Variants in CTNNA3 observed in about 807,000 individuals in gnomAD.
CTNNA3 encodes catenin alpha-3.
A neutral mutation model predicts 95.7 loss-of-function variants in CTNNA3; 76 were observed. That is an observed-to-expected ratio of 0.79 (90% CI 0.66 to 0.96). The LOEUF (loss-of-function observed/expected upper bound fraction) is 0.96. CTNNA3 is among the 40% of genes least tolerant of loss of function. The pLI, the probability that CTNNA3 is intolerant of heterozygous loss-of-function variation, is 0.00. For synonymous variants in CTNNA3, 431 were observed against 374.4 expected, an observed-to-expected ratio of 1.15 and a Z score of -1.74; for missense variants, 1,191 against 1,089.8, an observed-to-expected ratio of 1.09 and a Z score of -1.31.
Position 66,220,791 on chromosome 10 carries a change from C to G in CTNNA3, c.1884+59679G>C, listed in dbSNP as rs527623441. ...CACCATCAAGCCGTCCCTCTGAAGT[C>G]AAGCTGCTTCTCACCAACATCAAGC... On this transcript the variant is annotated intron_variant, in intron 13 of 17. Transcript: ENST00000433211. Among the ~76,000 whole-genome samples, 9 of 152,276 alleles carry G rather than the reference C, an allele frequency of 5.9e-5. No homozygotes were observed. In the South Asian group the frequency reaches 1.9e-3, roughly 32 times the overall value.
chr10:67,479,428 A>G (rs576893972), intron 5 of CTNNA3, among the ~76,000 whole-genome samples: 4 of 152,334 alleles, frequency 2.6e-5, no homozygotes, highest in African/African-American at 9.6e-5. Context: ...GAATAAAAAT[A>G]GAAATTAATA....
intron 13 of CTNNA3, among the ~76,000 whole-genome samples, chr10:66,181,748 AT>A (rs2086050131): frequency 1.3e-5 from 2 of 152,276 alleles, no homozygotes; most frequent in South Asian, 4.1e-4. Flanking sequence ...TGTTATTTTT[AT>A]TTATTTGGTT....
chr10:66,739,298 T>C (rs2132691291), intron 9 of CTNNA3, among the ~76,000 whole-genome samples: 1 of 152,314 alleles, frequency 6.6e-6, no homozygotes, highest in Admixed American at 6.5e-5. Flanking sequence ...TCTAATTTAA[T>C]AGGACTGTGG....
chr10:67,706,578 G>A (rs920885784), intron 1 of CTNNA3, among the ~76,000 whole-genome samples: 2 of 152,056 alleles, frequency 1.3e-5, no homozygotes, highest in Admixed American at 6.6e-5. Flanking sequence ...CAAGTCCCTT[G>A]GGAGGACATC....
intron 7 of CTNNA3, among the ~76,000 whole-genome samples, chr10:66,917,662 G>A (rs892681261): frequency 6.6e-6 from 1 of 152,084 alleles, no homozygotes; most frequent in Non-Finnish European, 1.5e-5. Context: ...CTGGTGACTG[G>A]GGAATTTAAT....
rs1238577460 is a variant in CTNNA3 at position 67,762,374 on chromosome 10, T to TCC, written c.-2+1058_-2+1059dup. On this transcript the variant is annotated intron_variant, in intron 1 of 17. Transcript: ENST00000684154. ...TTTTCCCCATTGTCTTGCTTTCCCC[T>TCC]CCCCCCCCCAAAAAAAAAAAAGCCC... Among the ~76,000 whole-genome samples the TCC allele has an allele frequency of 1.3e-3, 126 of 94,934 alleles. 1 individual carries two copies. The highest frequency in any genetic ancestry group is 4.2e-3 in the African/African-American group (106 of 25,184). The allele number at this position is 94,934 out of a possible 152,430, so 62.3% of individuals were successfully genotyped here. A position where few individuals can be genotyped will look rare whatever the true frequency, so the allele number is the denominator to read the frequency against.
At chr10:67,208,378 CAAA>C (rs3056794) in intron 6 of CTNNA3, among the ~76,000 whole-genome samples, 2 of 93,164 alleles carry the variant, frequency 2.1e-5, no homozygotes, top group Admixed American at 1.3e-4. Context: ...GACTCTGTCT[CAAA>C]AAAAAAAAAA....
intron 5 of CTNNA3, among the ~76,000 whole-genome samples, chr10:67,340,384 T>C (rs1001886173): frequency 6.6e-6 from 1 of 152,242 alleles, no homozygotes; most frequent in South Asian, 2.1e-4. Flanking sequence ...TGGTCTTTCC[T>C]GAAGCTCTTT....
At chr10:67,379,886 T>C (rs1391435673) in intron 5 of CTNNA3, among the ~76,000 whole-genome samples, 1 of 150,966 alleles carries the variant, frequency 6.6e-6, no homozygotes, top group Non-Finnish European at 1.5e-5. Flanking sequence ...CCGGGCGTAG[T>C]GGCGGGCGCC....
chr10:67,151,081 A>G (rs1861068836), intron 7 of CTNNA3, among the ~76,000 whole-genome samples: 1 of 152,058 alleles, frequency 6.6e-6, no homozygotes, highest in South Asian at 2.1e-4. Flanking sequence ...CTTTTTCTTC[A>G]TTTCCTCCTA....
At chr10:67,115,421 T>TG (rs1032010373) in intron 7 of CTNNA3, among the ~76,000 whole-genome samples, 20 of 151,988 alleles carry the variant, frequency 1.3e-4, no homozygotes, top group African/African-American at 4.3e-4. Context: ...CACACCAGCA[T>TG]GGCACATGTA....
chr10:67,474,248 C>A (rs1326407472), intron 5 of CTNNA3, among the ~76,000 whole-genome samples: 1 of 152,058 alleles, frequency 6.6e-6, no homozygotes, highest in Non-Finnish European at 1.5e-5. Flanking sequence ...TCCTGAATAC[C>A]AGAATGTGAC....
chr10:65,962,691 T>C (rs1411765020), intron 17 of CTNNA3, among the ~76,000 whole-genome samples: 2 of 152,030 alleles, frequency 1.3e-5, no homozygotes, highest in African/African-American at 4.8e-5. Context: ...TTCCTCCTAA[T>C]GTGATCCCTC....
At position 66,233,370 on chromosome 10, in the gene CTNNA3, T is replaced by A. The variant is rs560127998; in HGVS notation, c.1884+47100A>T. On this transcript the variant is annotated intron_variant, in intron 13 of 17. Coordinates refer to ENST00000433211, the MANE Select transcript of CTNNA3 (RefSeq NM_013266.4). ...TAAAATAAAAATTATTTTTCTAAAA[T>A]AAGCTACCAAGTGAACAGTAAGCCA... 1.6e-4 allele frequency among the ~76,000 whole-genome samples: 25 copies of A among 152,100 alleles called. 1 individual carries two copies. The South Asian group carries it at 5.0e-3, about 30-fold the overall frequency.
At chr10:66,565,258 T>G (rs976211913) in intron 10 of CTNNA3, among the ~76,000 whole-genome samples, 1 of 152,124 alleles carries the variant, frequency 6.6e-6, no homozygotes, top group Admixed American at 6.6e-5. Flanking sequence ...AGATACTGAG[T>G]TTTTACTGTT....
Position 67,418,659 on chromosome 10 carries a change from G to A in CTNNA3, c.579+103183C>T, listed in dbSNP as rs552159768. The stretch of plus-strand genomic sequence containing the variant: ...TCTAAAAAAAGTTGAACTCACACAA[G>A]TAGAGAGTAGAATGCTAGTTACCAG... On this transcript the variant is annotated intron_variant, in intron 5 of 17. Transcript: ENST00000433211. 9.1e-4 allele frequency among the ~76,000 whole-genome samples: 139 copies of A among 152,218 alleles called. 1 individual carries two copies. The highest frequency in any genetic ancestry group is 3.1e-3 in the African/African-American group (128 of 41,546).
intron 7 of CTNNA3, among the ~76,000 whole-genome samples, chr10:67,109,824 C>CAG (rs1271877675): frequency 1.3e-5 from 2 of 152,176 alleles, no homozygotes; most frequent in Non-Finnish European, 2.9e-5. Flanking sequence ...GCCTGGGCAA[C>CAG]AGAGAGAGAC....
At chr10:67,489,633 C>T (rs940095923) in intron 5 of CTNNA3, among the ~76,000 whole-genome samples, 21 of 152,084 alleles carry the variant, frequency 1.4e-4, no homozygotes, top group Non-Finnish European at 1.5e-5. Context: ...GCTTAGCTCT[C>T]ACTATTGCTC....
chr10:66,659,016 C>G (rs945415637), intron 9 of CTNNA3, among the ~76,000 whole-genome samples: 3 of 152,046 alleles, frequency 2.0e-5, no homozygotes, highest in African/African-American at 7.2e-5. Flanking sequence ...CATATTCATT[C>G]ATTTATTCAC....
Sources: gnomAD v4.1 joint callset for allele counts (sites outside exome capture counted in the v4.1 genomes callset) on GRCh38, gnomAD v4.1.1 for gene constraint, MANE v1.5 for transcripts, NCBI Gene and HGNC (gene_info 2026-07-23, HGNC 2026-07-21) for gene names.